SLC25A21: variants seen among roughly 807,000 people sequenced by gnomAD.
SLC25A21 encodes the protein mitochondrial 2-oxodicarboxylate carrier.
Under a neutral mutation model 43.8 loss-of-function variants are expected in SLC25A21, and 47 were observed. The observed-to-expected ratio is 1.07, with a 90% CI of 0.85 to 1.37. The LOEUF is 1.37. Ranked by LOEUF, SLC25A21 falls within the 40% of genes most tolerant of loss-of-function variation. The pLI, the probability that SLC25A21 is intolerant of heterozygous loss-of-function variation, is 0.00. For missense variants in SLC25A21, 352 were observed against 350.2 expected, an observed-to-expected ratio of 1.00 and a Z score of -0.04; for synonymous variants, 131 against 121.3, an observed-to-expected ratio of 1.08 and a Z score of -0.52.
chr14:37,159,215 G>GA (rs35226206), intron 1 of SLC25A21, among the ~76,000 whole-genome samples: 139,931 of 148,476 alleles, frequency 0.94, 66,372 homozygotes, highest in Non-Finnish European at 1. Flanking sequence ...TCACGGAACA[G>GA]AAAAAAAAAA....
intron 2 of SLC25A21, among the ~76,000 whole-genome samples, chr14:36,823,884 T>G (rs1888725072): frequency 6.6e-6 from 1 of 152,198 alleles, no homozygotes; most frequent in South Asian, 2.1e-4. Context: ...CCTTACCTGT[T>G]GAACATTAGC....
chr14:36,696,505 C>G (rs892819900), intron 7 of SLC25A21, among the ~76,000 whole-genome samples: 2 of 152,164 alleles, frequency 1.3e-5, no homozygotes, highest in Non-Finnish European at 2.9e-5. Context: ...CTTTGTACCT[C>G]TGGTAGAATT....
chr14:37,122,383 T>G (rs1413965423), intron 1 of SLC25A21, among the ~76,000 whole-genome samples: 1 of 152,178 alleles, frequency 6.6e-6, no homozygotes, highest in South Asian at 2.1e-4. Context: ...GCACATTCCT[T>G]CCCTTATTCG....
chr14:37,036,490 A>C (rs953016416), intron 1 of SLC25A21, among the ~76,000 whole-genome samples: 3 of 152,180 alleles, frequency 2.0e-5, no homozygotes, highest in Non-Finnish European at 4.4e-5. Context: ...TTTCACACCT[A>C]AAATCCTAGC....
intron 3 of SLC25A21, among the ~76,000 whole-genome samples, chr14:36,755,853 C>A (rs530741569): frequency 6.6e-6 from 1 of 152,224 alleles, no homozygotes; most frequent in South Asian, 2.1e-4. Context: ...CAAGTGGGTC[C>A]ATGTAACAGG....
chr14:37,005,298 C>T (rs959671942), intron 1 of SLC25A21, among the ~76,000 whole-genome samples: 2 of 143,926 alleles, frequency 1.4e-5, no homozygotes, highest in Non-Finnish European at 3.1e-5. Context: ...TTTGGACATG[C>T]ATCCGCAGGA....
chr14:36,862,942 G>T (rs1209726918), intron 2 of SLC25A21, among the ~76,000 whole-genome samples: 1 of 151,996 alleles, frequency 6.6e-6, no homozygotes, highest in Admixed American at 6.6e-5. Flanking sequence ...TATCTCATAG[G>T]GAAACTTGTG....
chr14:36,753,884 T>G (rs554795700), intron 3 of SLC25A21, among the ~76,000 whole-genome samples: 3,545 of 150,316 alleles, frequency 0.024, 144 homozygotes, highest in African/African-American at 0.082. Context: ...ATTCAGGGTT[T>G]CCATACAATC....
At position 37,001,663 on chromosome 14, in the gene SLC25A21, C is replaced by T. The variant is rs539278964; in HGVS notation, c.71-126659G>A. On this transcript the variant is annotated intron_variant, in intron 1 of 9. Transcript: ENST00000331299. ...TTCCTTCATGGGCATATTTGCTAAG[C>T]GCTACTTCTGGCACTGGGGATACAA... 1.1e-4 allele frequency among the ~76,000 whole-genome samples: 17 copies of T among 152,056 alleles called. No individual in the cohort carries two copies. In the South Asian group the frequency reaches 2.7e-3, roughly 24 times the overall value.
chr14:37,132,735 A>G (rs1963411494), intron 1 of SLC25A21, among the ~76,000 whole-genome samples: 2 of 131,682 alleles, frequency 1.5e-5, no homozygotes, highest in Admixed American at 7.7e-5. Flanking sequence ...TCATAGCTAT[A>G]TTTTTTTTTT....
intron 1 of SLC25A21, among the ~76,000 whole-genome samples, chr14:36,897,939 A>G (rs1449087661): frequency 6.6e-6 from 1 of 152,062 alleles, no homozygotes; most frequent in Non-Finnish European, 1.5e-5. Context: ...TGTCGGTCTG[A>G]CCCTACTGGG....
Position 36,679,997 on chromosome 14 carries a change from C to CTA in SLC25A21, c.*659_*660dup. On this transcript the variant is annotated 3_prime_UTR_variant, in exon 10 of 10. Coordinates refer to ENST00000331299, the MANE Select transcript of SLC25A21 (RefSeq NM_030631.4). ...TGTTTTAAACAATGTTTTAAAATAC[C>CTA]TATTTATTATCTTACAGCAATATGA... The CTA allele has an allele frequency of 1.2e-6, 1 of 816,672 alleles. No homozygotes were observed. The allele number at this position is 816,672 out of a possible 1,614,324, so 50.6% of individuals were successfully genotyped here. A position where few individuals can be genotyped will look rare whatever the true frequency, so the allele number is the denominator to read the frequency against.
At chr14:36,758,207 C>G (rs1886006191) in intron 3 of SLC25A21, among the ~76,000 whole-genome samples, 1 of 152,112 alleles carries the variant, frequency 6.6e-6, no homozygotes, top group African/African-American at 2.4e-5. Context: ...AGCTTAGTTC[C>G]CAATTCCTTT....
At chr14:36,940,282 C>T (rs1412347374) in intron 1 of SLC25A21, among the ~76,000 whole-genome samples, 1 of 151,520 alleles carries the variant, frequency 6.6e-6, no homozygotes, top group Non-Finnish European at 1.5e-5. Context: ...TCATTTTCTT[C>T]CAAATTAAAG....
chr14:36,897,488 C>T (rs894181026), intron 1 of SLC25A21, among the ~76,000 whole-genome samples: 17 of 152,238 alleles, frequency 1.1e-4, no homozygotes, highest in African/African-American at 3.6e-4. Context: ...CGAACTTCCT[C>T]CTTTAGCTCA....
intron 1 of SLC25A21, among the ~76,000 whole-genome samples, chr14:37,168,310 A>G (rs1964065750): frequency 6.6e-6 from 1 of 152,086 alleles, no homozygotes; most frequent in Non-Finnish European, 1.5e-5. Flanking sequence ...CTTTAAATTT[A>G]TATGTAAAGA....
chr14:36,804,076 TAAAC>T (rs577826592), intron 3 of SLC25A21, among the ~76,000 whole-genome samples: 218 of 152,320 alleles, frequency 1.4e-3, no homozygotes, highest in East Asian at 7.7e-4. Context: ...AGACCTTTTT[TAAAC>T]AAACAAACAA....
intron 1 of SLC25A21, among the ~76,000 whole-genome samples, chr14:36,878,763 T>A (rs570916319): frequency 6.6e-6 from 1 of 152,268 alleles, no homozygotes; most frequent in East Asian, 1.9e-4. Context: ...CATTTAATAA[T>A]CCATCCTAAT....
In SLC25A21 at chr14:37,053,016, T is replaced by C. The variant is rs111509729; in HGVS notation, c.70+119265A>G. Among the ~76,000 whole-genome samples, 677 of 152,340 alleles carry C rather than the reference T, an allele frequency of 4.4e-3. 4 individuals are homozygous for C. Among genetic ancestry groups the C allele is most frequent in the African/African-American group, 0.012 (486 of 41,576 alleles). On this transcript the variant is annotated intron_variant, in intron 1 of 9. Coordinates refer to ENST00000331299, the MANE Select transcript of SLC25A21 (RefSeq NM_030631.4). ...CAATATACGATTTTTGACAGCTTTA[T>C]TGAAGCATAATCACATAGAATAAAC...
Sources: allele counts gnomAD v4.1 joint callset (sites outside exome capture counted in the v4.1 genomes callset), GRCh38; gene constraint gnomAD v4.1.1; transcripts MANE v1.5; gene names NCBI Gene and HGNC (gene_info 2026-07-23, HGNC 2026-07-21).